The following FKBP11 variants were observed in gnomAD, a reference collection of about 807,000 sequenced individuals.
FKBP11 encodes the protein peptidyl-prolyl cis-trans isomerase FKBP11.
In FKBP11, 21 loss-of-function variants were observed where a neutral mutation model predicts 24.7. The observed-to-expected ratio is 0.85, with a 90% confidence interval of 0.60 to 1.23. The LOEUF is 1.23. FKBP11 is among the 50% of genes most tolerant of loss of function. The pLI is 0.00. For missense variants in FKBP11, 245 were observed against 248.7 expected, an observed-to-expected ratio of 0.99 and a Z score of 0.10; for synonymous variants, 106 against 100.6, an observed-to-expected ratio of 1.05 and a Z score of -0.32.
chr12:48,923,665 T>C, intron 5 of FKBP11, 117 bp downstream of exon 5: 1 of 1,582,712 alleles, frequency 6.3e-7, no homozygotes, highest in Non-Finnish European at 8.6e-7. Flanking sequence ...GCCACTCCTA[T>C]CTGTCTAAAC....
chr12:48,934,322 T>C, the FKBP11 span, among the ~76,000 whole-genome samples: 1 of 152,186 alleles, frequency 6.6e-6, no homozygotes, highest in African/African-American at 2.4e-5. Flanking sequence ...ACAGGCTCAT[T>C]TGGGAAGCTC....
At position 48,925,331 on chromosome 12, in the gene FKBP11, CT is replaced by C. The variant is rs758861575; in HGVS notation, c.97del (p.Ser33ValfsTer37). On this transcript the variant is annotated frameshift_variant, in exon 1 of 6. Coordinates refer to ENST00000550765, the MANE Select transcript of FKBP11 (RefSeq NM_016594.3). LOFTEE classifies it high-confidence loss of function. ...CTCCACTTGGAGGGTCCGGACGGGA[CT>C]TTCGGTTTCGAGCCCAGCCTCAGCC... is the stretch of plus-strand genomic sequence containing the variant. ...CRAEAGLETESPVRTLQVETL... is the reference protein window; with the variant it reads ...CRAEAGLETEXPVRTLQVETL... 4 of 1,611,040 alleles carry C rather than the reference CT, an allele frequency of 2.5e-6. No individual in the cohort carries two copies. The Admixed American group carries it at 6.7e-5, about 27-fold the overall frequency.
intron 5 of FKBP11, chr12:48,922,521 T>C (rs1449408823): frequency 2.0e-6 from 2 of 1,015,402 alleles, no homozygotes; most frequent in Non-Finnish European, 2.4e-6. Context: ...TACTAACTAC[T>C]AATTTATCGT....
At chr12:48,923,286 T>A (rs922047038) in intron 5 of FKBP11, 1 of 1,400,454 alleles carries the variant, frequency 7.1e-7, no homozygotes, top group Non-Finnish European at 9.3e-7. Flanking sequence ...AAAATAGACA[T>A]CGGCAGTGAC....
At chr12:48,927,352 A>C (rs1366805548), upstream of FKBP11, among the ~76,000 whole-genome samples, 1 of 152,196 alleles carries the variant, frequency 6.6e-6, no homozygotes, top group Non-Finnish European at 1.5e-5. Flanking sequence ...TTGTTTAAAA[A>C]AAAAAAGTCC....
rs757091718 is a variant in FKBP11 at position 48,924,651 on chromosome 12, G to A, written c.196-3C>T. 46 of 1,612,840 alleles carry A rather than the reference G, an allele frequency of 2.9e-5. No individual in the cohort carries two copies. The highest frequency in any genetic ancestry group is 3.8e-5 in the Non-Finnish European group (45 of 1,179,134). On this transcript the variant is annotated splice_region_variant and splice_polypyrimidine_tract_variant and intron_variant, in intron 2 of 5. Coordinates refer to ENST00000550765, the MANE Select transcript of FKBP11 (RefSeq NM_016594.3). The stretch of plus-strand genomic sequence containing the variant: ...ATACGTCCATCTACCAAGCTTCCCT[G>A]GGGGGAGAGAGCATCAAGAGCATAC...
At chr12:48,923,931 C>A in intron 4 of FKBP11, 79 bp from the exon 5 acceptor site, 1 of 1,395,858 alleles carries the variant, frequency 7.2e-7, no homozygotes, top group Non-Finnish European at 1.0e-6. Flanking sequence ...GCTCCTTCAG[C>A]AAAACCCCCT....
chr12:48,924,376 TGGCTTCCAATA>T, intron 3 of FKBP11, 120 bp from the exon 4 acceptor site: 2 of 1,341,114 alleles, frequency 1.5e-6, no homozygotes, highest in Non-Finnish European at 2.1e-6. Flanking sequence ...CTTAAATCTC[TGGCTTCCAATA>T]GGATATGGGA....
intron 1 of FKBP11, 28 bp downstream of exon 1, chr12:48,925,272 G>A (rs1939937508): frequency 1.9e-6 from 3 of 1,608,058 alleles, no homozygotes; most frequent in Non-Finnish European, 2.5e-6. Context: ...CGGCCCACGG[G>A]GGCTGAGGGT....
At chr12:48,923,409 G>A in intron 5 of FKBP11, 1 of 1,477,836 alleles carries the variant, frequency 6.8e-7, no homozygotes, top group Non-Finnish European at 9.0e-7. Context: ...GATGGAGGCT[G>A]AAAGGAAGGG....
chr12:48,938,969 T>C, the FKBP11 span: 7 of 1,612,378 alleles, frequency 4.3e-6, no homozygotes, highest in Non-Finnish European at 5.9e-6. Flanking sequence ...TTTGAGCTGA[T>C]TGGCCAGCCA....
upstream of FKBP11, among the ~76,000 whole-genome samples, chr12:48,929,135 T>G (rs1278389410): frequency 6.6e-6 from 1 of 151,306 alleles, no homozygotes; most frequent in Non-Finnish European, 1.5e-5. Context: ...CCTTTAAACT[T>G]CTATCTTGTT....
chr12:48,930,230 AG>A (rs1474143167), upstream of FKBP11, among the ~76,000 whole-genome samples: 1 of 152,256 alleles, frequency 6.6e-6, no homozygotes. Flanking sequence ...ATATACCCTA[AG>A]TAAAAAAGCA....
chr12:48,923,371 C>G (rs530970509), intron 5 of FKBP11: 3 of 1,442,382 alleles, frequency 2.1e-6, no homozygotes, highest in South Asian at 1.5e-5. Flanking sequence ...AATCACTTGA[C>G]TGTGATTATT....
upstream of FKBP11, chr12:48,926,186 A>C (rs1442992402): frequency 6.6e-6 from 1 of 150,672 alleles, no homozygotes; most frequent in African/African-American, 2.4e-5. Flanking sequence ...AAACTTCTCA[A>C]AGGGCAGCAC....
chr12:48,938,680 G>GA, the FKBP11 span: 6 of 452,610 alleles, frequency 1.3e-5, no homozygotes, highest in East Asian at 4.6e-5. Context: ...AGAGAGAGAG[G>GA]GGCCACCCCA....
the FKBP11 span, among the ~76,000 whole-genome samples, chr12:48,932,231 A>ATTTATATT: frequency 9.5e-5 from 3 of 31,706 alleles, no homozygotes; most frequent in East Asian, 8.4e-4. Context: ...ATATATTTAT[A>ATTTATATT]TATATATATA....
Position 48,923,536 on chromosome 12 carries a change from T to G in FKBP11, c.388+246A>C, listed in dbSNP as rs966339899. On this transcript the variant is annotated intron_variant, in intron 5 of 5. Coordinates refer to ENST00000550765, the MANE Select transcript of FKBP11 (RefSeq NM_016594.3). ...AGCAGACCCATGTGGCCCAAGCAGG[T>G]CTCTTCCCTAACAAGTTACTGGCTG... The G allele has an allele frequency of 2.6e-6, 4 of 1,551,292 alleles. No individual in the cohort carries two copies. In the African/African-American group the frequency reaches 4.1e-5, roughly 16 times the overall value.
Position 48,925,119 on chromosome 12 carries a change from C to T in FKBP11, c.130-8G>A, listed in dbSNP as rs897768050. On this transcript the variant is annotated splice_polypyrimidine_tract_variant and splice_region_variant and intron_variant, in intron 1 of 5. Transcript: ENST00000550765. ...TGGTTCTGGGGGCTCCACCTACGATCGGACTACAGGGGTCACGGATGCTCT... is the reference window on the plus strand; with the variant it reads ...TGGTTCTGGGGGCTCCACCTACGATTGGACTACAGGGGTCACGGATGCTCT... The T allele has an allele frequency of 1.9e-6, 3 of 1,612,688 alleles. No individual in the cohort carries two copies. The highest frequency in any genetic ancestry group is 2.5e-6 in the Non-Finnish European group (3 of 1,179,428).
Sources: allele counts gnomAD v4.1 joint callset (sites outside exome capture counted in the v4.1 genomes callset), GRCh38; gene constraint gnomAD v4.1.1; transcripts MANE v1.5; gene names NCBI Gene and HGNC (gene_info 2026-07-23, HGNC 2026-07-21).